The following FDXR variants were observed in gnomAD, a reference collection of about 807,000 sequenced individuals.
FDXR encodes ferredoxin reductase, also known as NADPH:adrenodoxin oxidoreductase, mitochondrial.
In FDXR, 38 loss-of-function variants were observed where a neutral mutation model predicts 58.3. That is an observed-to-expected ratio of 0.65 (90% CI 0.50 to 0.85). The LOEUF is 0.85. Among genes scored for constraint, FDXR ranks in the 40% least tolerant of loss-of-function variants. The probability of loss-of-function intolerance (pLI) is 0.00; values close to 1 mark genes in which losing one functional copy is unlikely to be tolerated. For synonymous variants in FDXR, 275 were observed against 273.8 expected (o/e 1.00, Z -0.04); for missense variants, 624 against 671.0 (o/e 0.93, Z 0.77).
At chr17:74,867,342 C>A (rs543782273) in intron 2 of FDXR, among the ~76,000 whole-genome samples, 23 of 148,920 alleles carry the variant, frequency 1.5e-4, no homozygotes, top group African/African-American at 4.0e-4. Context: ...AAGACGACGA[C>A]GGCCGGCCCT....
At chr17:74,872,495 CCT>C (rs921971600) in intron 1 of FDXR, 112 of 616,296 alleles carry the variant, frequency 1.8e-4, no homozygotes, top group African/African-American at 1.5e-3. Flanking sequence ...TCCTCTAACC[CCT>C]CTCTCTCTCC....
In FDXR at chr17:74,872,416, A is replaced by C. The variant is rs981936067; in HGVS notation, c.80-283T>G. The C allele has an allele frequency of 1.0e-5, 8 of 767,660 alleles. No homozygotes were observed. In the Admixed American group the frequency reaches 2.3e-4, roughly 22 times the overall value. The allele number at this position is 767,660 out of a possible 1,614,324, so 47.6% of individuals were successfully genotyped here. On this transcript the variant is annotated intron_variant, in intron 1 of 11. Transcript: ENST00000293195. ...TTCATTCCCTATCCAATCGGCTAGA[A>C]TCCCACATCCTTCCAACGGCCTCCA...
Position 74,872,993 on chromosome 17 carries a change from G to T in FDXR, c.-49C>A, listed in dbSNP as rs767496199. 2.1e-5 allele frequency: 32 copies of T among 1,506,208 alleles called. No homozygotes were observed. The highest frequency in any genetic ancestry group is 2.6e-5 in the Non-Finnish European group (29 of 1,114,766). 93.3% of individuals were successfully genotyped at this position (1,506,208 alleles called of 1,614,324 possible). A position where few individuals can be genotyped will look rare whatever the true frequency, so the allele number is the denominator to read the frequency against. On this transcript the variant is annotated 5_prime_UTR_variant, in exon 1 of 12. Transcript: ENST00000293195. ...TGGATCTGTTCCTAGCTACTGCTCC[G>T]CAGGGCAAGCCCGCTCCTGCCCGGG...
chr17:74,866,420 C>G (rs773160243), intron 4 of FDXR, 26 bp downstream of exon 4: 1 of 1,610,908 alleles, frequency 6.2e-7, no homozygotes, highest in African/African-American at 1.3e-5. Flanking sequence ...CCCTGCCTCC[C>G]CAAGCCAGGG....
chr17:74,867,361 G>A (rs1319907967), intron 2 of FDXR, among the ~76,000 whole-genome samples: 1 of 151,468 alleles, frequency 6.6e-6, no homozygotes, highest in Non-Finnish European at 1.5e-5. Context: ...CTCAGAGATG[G>A]GGAGAAATGT....
Position 74,863,257 on chromosome 17 carries a change from G to T in FDXR, c.1175-11C>A. 1 of 1,607,972 alleles carries T rather than the reference G, an allele frequency of 6.2e-7. No individual in the cohort carries two copies. The highest frequency in any genetic ancestry group is 8.5e-7 in the Non-Finnish European group (1 of 1,177,136). ...CGCTGCAGTAGAGGCCTGAGAGGGG[G>T]TAACAAAAGGGGAAGGGAGGGAGGT... is the stretch of plus-strand genomic sequence containing the variant. On this transcript the variant is annotated splice_polypyrimidine_tract_variant and intron_variant, in intron 10 of 11. Coordinates refer to ENST00000293195, the MANE Select transcript of FDXR (RefSeq NM_024417.5).
intron 10 of FDXR, 127 bp downstream of exon 10, chr17:74,863,769 G>T: frequency 8.0e-7 from 1 of 1,242,420 alleles, no homozygotes; most frequent in Non-Finnish European, 1.1e-6. Context: ...CTGGGTCCTA[G>T]AGAGGGCCTG....
intron 10 of FDXR, 95 bp from the exon 11 acceptor site, chr17:74,863,341 A>C: frequency 8.2e-7 from 1 of 1,224,742 alleles, no homozygotes; most frequent in Non-Finnish European, 1.1e-6. Context: ...GCACGCACAC[A>C]GACACCCCAC....
chr17:74,864,283 C>T lies in FDXR; in HGVS notation c.867G>A (p.Gly289=), dbSNP rs1389959271. 2 of 1,595,266 alleles carry T rather than the reference C, an allele frequency of 1.3e-6. No individual in the cohort carries two copies. The highest frequency in any genetic ancestry group is 1.7e-6 in the Non-Finnish European group (2 of 1,167,770). The part of the protein sequence containing the change: ...LLLRTATEKP[G]PAEAARQASA... ...ATGCCTGGCGGGCAGCTTCCGCCGG[C>T]CCTGGCTTCTCTGTGGCCGTTCGAA... The change falls in exon 9 of 12, where the codon GGG becomes GGA. Residue 289 remains glycine (G), a synonymous_variant. Transcript: ENST00000293195.
rs769873353 is a variant in FDXR at position 74,866,773 on chromosome 17, G to C, written c.270+11C>G. The C allele has an allele frequency of 6.2e-7, 1 of 1,613,872 alleles. No individual in the cohort carries two copies. The highest frequency in any genetic ancestry group is 1.1e-5 in the South Asian group (1 of 91,066). On this transcript the variant is annotated intron_variant, in intron 3 of 11. Coordinates refer to ENST00000293195, the MANE Select transcript of FDXR (RefSeq NM_024417.5). ...CTCCAAACCCCAGCCTCCAGGCCCA[G>C]AGACACCCACCTTCACCTCGGGGTG...
rs545038851 is a variant in FDXR, at chr17:74,872,812, C to G, written c.79+54G>C. On this transcript the variant is annotated intron_variant, in intron 1 of 11. Transcript: ENST00000293195. ...CAGCTCTGCTCCGACCCCTACTCAG[C>G]GCTCGCAGGCCTCCCCGCGCTCCCA... The G allele has an allele frequency of 2.3e-5, 35 of 1,541,478 alleles. No individual in the cohort carries two copies. The African/African-American group carries it at 4.6e-4, about 20-fold the overall frequency.
intron 10 of FDXR, 44 bp from the exon 11 acceptor site, chr17:74,863,290 T>TTTTTTA (rs1598511754): frequency 4.0e-5 from 63 of 1,562,514 alleles, no homozygotes; most frequent in Admixed American, 1.5e-4. Context: ...GGTGGCTGGA[T>TTTTTTA]ACCACCCTGG....
chr17:74,872,835 C>T (rs1304310174), intron 1 of FDXR, 31 bp downstream of exon 1: 1 of 1,544,474 alleles, frequency 6.5e-7, no homozygotes, highest in Admixed American at 2.0e-5. Flanking sequence ...CCCCGCGCTC[C>T]CATCCAGCCC....
intron 2 of FDXR, 42 bp from the exon 3 acceptor site, chr17:74,866,918 G>C (rs1286879254): frequency 1.3e-6 from 2 of 1,598,444 alleles, no homozygotes; most frequent in African/African-American, 1.3e-5. Flanking sequence ...CCGAGAGAGA[G>C]AGGCTGGGAC....
chr17:74,864,743 G>A, intron 7 of FDXR, 81 bp downstream of exon 7: 1 of 1,585,172 alleles, frequency 6.3e-7, no homozygotes, highest in Non-Finnish European at 8.6e-7. Flanking sequence ...GCTACTCCCA[G>A]GGGCTCTGCC....
chr17:74,867,913 C>T (rs2038247545), intron 2 of FDXR, among the ~76,000 whole-genome samples: 1 of 152,156 alleles, frequency 6.6e-6, no homozygotes, highest in African/African-American at 2.4e-5. Flanking sequence ...AGACTCTGGG[C>T]CACAGGCCGG....
At chr17:74,867,343 G>A (rs1039060070) in intron 2 of FDXR, among the ~76,000 whole-genome samples, 21 of 149,296 alleles carry the variant, frequency 1.4e-4, no homozygotes, top group South Asian at 4.3e-4. Flanking sequence ...AGACGACGAC[G>A]GCCGGCCCTC....
At position 74,868,602 on chromosome 17, in the gene FDXR, T is replaced by C. The variant is rs982219757; in HGVS notation, c.178-1726A>G. On this transcript the variant is annotated intron_variant, in intron 2 of 11. Transcript: ENST00000293195. ...ACAGATCCTTCACTCTGGGTCACGA[T>C]GTCCTCTCCAGGGCCACCTCCGGAA... is the stretch of plus-strand genomic sequence containing the variant. 2.9e-5 allele frequency: 44 copies of C among 1,535,576 alleles called. No homozygotes were observed. The African/African-American group carries it at 5.1e-4, about 18-fold the overall frequency.
At chr17:74,870,283 G>A (rs905761424) in intron 2 of FDXR, among the ~76,000 whole-genome samples, 10 of 152,242 alleles carry the variant, frequency 6.6e-5, no homozygotes, top group South Asian at 6.2e-4. Context: ...TTGGGAGGCC[G>A]AGGTGGGCAG....
Sources: allele counts gnomAD v4.1 joint callset (sites outside exome capture counted in the v4.1 genomes callset), GRCh38; gene constraint gnomAD v4.1.1; transcripts MANE v1.5; gene names NCBI Gene and HGNC (gene_info 2026-07-23, HGNC 2026-07-21).